The following PHAF1 variants were observed in gnomAD, a reference collection of about 807,000 sequenced individuals.
PHAF1 encodes phagosome assembly factor 1.
In PHAF1, 23 loss-of-function variants were observed where a neutral mutation model predicts 63.1. That is an observed-to-expected ratio of 0.36 (90% CI 0.26 to 0.52). PHAF1 has a LOEUF of 0.52. PHAF1 is among the 20% of genes least tolerant of loss of function. The pLI is 0.93. For synonymous variants in PHAF1, 167 were observed against 185.0 expected (o/e 0.90, Z 0.79); for missense variants, 427 against 517.2 (o/e 0.83, Z 1.69).
At position 67,115,212 on chromosome 16, in the gene PHAF1, T is replaced by C. The variant is rs139324803; in HGVS notation, c.65-4900T>C. 4.2e-4 allele frequency among the ~76,000 whole-genome samples: 64 copies of C among 152,282 alleles called. 1 individual carries two copies. In the East Asian group the frequency reaches 4.2e-3, roughly 10 times the overall value. On this transcript the variant is annotated intron_variant, in intron 1 of 15. Transcript: ENST00000219139. ...CTACAGCTGTGCCAGGCACAGTGATTGGGTGCTGGGAGGTATTGAGGTGAA... is the reference window on the plus strand; with the variant it reads ...CTACAGCTGTGCCAGGCACAGTGATCGGGTGCTGGGAGGTATTGAGGTGAA...
intron 1 of PHAF1, 57 bp downstream of exon 1, chr16:67,110,296 C>A: frequency 1.3e-6 from 2 of 1,526,700 alleles, no homozygotes; most frequent in South Asian, 2.4e-5. Flanking sequence ...TTCTCCTGGG[C>A]TCTTCCCACC....
At chr16:67,113,520 G>A (rs1280489982) in intron 1 of PHAF1, among the ~76,000 whole-genome samples, 1 of 150,160 alleles carries the variant, frequency 6.7e-6, no homozygotes, top group Non-Finnish European at 1.5e-5. Context: ...CGTGATTTTG[G>A]CTCACTGCAA....
chr16:67,126,150 ACTT>A, intron 3 of PHAF1, 108 bp downstream of exon 3: 1 of 830,512 alleles, frequency 1.2e-6, no homozygotes, highest in Non-Finnish European at 2.0e-6. Context: ...GTAGGTGTGG[ACTT>A]CTTTGGTTCA....
chr16:67,112,328 G>A (rs1445923069), intron 1 of PHAF1, among the ~76,000 whole-genome samples: 1 of 140,924 alleles, frequency 7.1e-6, no homozygotes, highest in Non-Finnish European at 1.5e-5. Context: ...AGGATAGCTT[G>A]AAGCCAGGAG....
At chr16:67,133,524 A>C (rs1423836962) in intron 6 of PHAF1, among the ~76,000 whole-genome samples, 1 of 144,094 alleles carries the variant, frequency 6.9e-6, no homozygotes, top group Non-Finnish European at 1.5e-5. Flanking sequence ...AAAAAAAAAC[A>C]GGCCGGGCGC....
chr16:67,147,262 G>T lies in PHAF1; in HGVS notation c.*131G>T, dbSNP rs771280628. The T allele has an allele frequency of 5.7e-6, 5 of 870,220 alleles. No individual in the cohort carries two copies. Among genetic ancestry groups the T allele is most frequent in the Non-Finnish European group, 9.0e-6 (5 of 557,468 alleles). 53.9% of individuals were successfully genotyped at this position (870,220 alleles called of 1,614,324 possible). A position where few individuals can be genotyped will look rare whatever the true frequency, so the allele number is the denominator to read the frequency against. Reference sequence around the variant, plus strand: ...TGAAGGGCTGTTGTGATGTTCTGAGGTTGGGCTCAGGCTGGGTGCTCTGCC... The same window carrying T: ...TGAAGGGCTGTTGTGATGTTCTGAGTTTGGGCTCAGGCTGGGTGCTCTGCC... On this transcript the variant is annotated 3_prime_UTR_variant, in exon 16 of 16. Coordinates refer to ENST00000219139, the MANE Select transcript of PHAF1 (RefSeq NM_025187.5).
chr16:67,117,572 C>T (rs937339932), intron 1 of PHAF1, among the ~76,000 whole-genome samples: 4 of 151,094 alleles, frequency 2.6e-5, no homozygotes, highest in Admixed American at 2.6e-4. Flanking sequence ...GTCAGGAGAT[C>T]GAGACCATCC....
intron 1 of PHAF1, among the ~76,000 whole-genome samples, chr16:67,113,451 C>CTT (rs1011100173): frequency 1.1e-4 from 15 of 139,400 alleles, no homozygotes; most frequent in East Asian, 4.1e-4. Context: ...TTTTCTTTTT[C>CTT]TTTTTTTTTT....
At chr16:67,146,655 G>A (rs1007064743) in intron 15 of PHAF1, among the ~76,000 whole-genome samples, 1 of 152,220 alleles carries the variant, frequency 6.6e-6, no homozygotes, top group Non-Finnish European at 1.5e-5. Context: ...GAACCACAGG[G>A]CAAGTGGGGC....
At position 67,126,070 on chromosome 16, in the gene PHAF1, A is replaced by G. The variant is rs755450016; in HGVS notation, c.231+28A>G. On this transcript the variant is annotated intron_variant, in intron 3 of 15. Transcript: ENST00000219139. Reference sequence around the variant, plus strand: ...AACTATAAATGACAACTAATGTTTCATGTCCAGCTGGGCCAGTCTTTCTGG... The same window carrying G: ...AACTATAAATGACAACTAATGTTTCGTGTCCAGCTGGGCCAGTCTTTCTGG... The G allele has an allele frequency of 3.2e-6, 5 of 1,541,418 alleles. No homozygotes were observed. In the South Asian group the frequency reaches 4.5e-5, roughly 14 times the overall value.
chr16:67,143,277 C>T (rs371836160), intron 10 of PHAF1, among the ~76,000 whole-genome samples: 1 of 152,226 alleles, frequency 6.6e-6, no homozygotes, highest in Non-Finnish European at 1.5e-5. Context: ...TGGCTCACGC[C>T]TGTAATCCCA....
At chr16:67,117,258 C>T (rs1481540161) in intron 1 of PHAF1, among the ~76,000 whole-genome samples, 1 of 142,310 alleles carries the variant, frequency 7.0e-6, no homozygotes, top group Non-Finnish European at 1.5e-5. Flanking sequence ...ACCAAGCCGG[C>T]CAGGCTGGTC....
At chr16:67,146,915 G>A (rs1380990262) in intron 15 of PHAF1, 130 bp from the exon 16 acceptor site, 2 of 808,620 alleles carry the variant, frequency 2.5e-6, no homozygotes, top group African/African-American at 3.3e-5. Context: ...ATGAACCAGG[G>A]GAGGTTGAGG....
Position 67,110,100 on chromosome 16 carries a change from C to A in PHAF1, c.-76C>A, listed in dbSNP as rs909440551. 59 of 1,480,590 alleles carry A rather than the reference C, an allele frequency of 4.0e-5. No homozygotes were observed. The Admixed American group carries it at 1.2e-3, about 30-fold the overall frequency. 91.7% of individuals were successfully genotyped at this position (1,480,590 alleles called of 1,614,324 possible). On this transcript the variant is annotated 5_prime_UTR_variant, in exon 1 of 16. Coordinates refer to ENST00000219139, the MANE Select transcript of PHAF1 (RefSeq NM_025187.5). ...GGGCCGGCGGGGGCGGCCTGTCAGC[C>A]GCTGCTTTGTCTCCTTAGCTCGGGT...
intron 3 of PHAF1, among the ~76,000 whole-genome samples, chr16:67,129,915 C>G (rs1227413930): frequency 6.6e-6 from 1 of 152,220 alleles, no homozygotes; most frequent in African/African-American, 2.4e-5. Context: ...ACCAGATCCT[C>G]TTCATCAGGG....
chr16:67,139,940 G>A (rs755112750), intron 8 of PHAF1, 44 bp from the exon 9 acceptor site: 7 of 1,612,804 alleles, frequency 4.3e-6, no homozygotes, highest in Middle Eastern at 1.7e-4. Context: ...AGGGTCTCTG[G>A]TCCTAACCAT....
chr16:67,113,112 A>G (rs1465913201), intron 1 of PHAF1, among the ~76,000 whole-genome samples: 2 of 152,172 alleles, frequency 1.3e-5, no homozygotes, highest in African/African-American at 4.8e-5. Context: ...AGAGAGAGAG[A>G]TGATAAACAA....
chr16:67,134,798 C>T (rs543511732), intron 8 of PHAF1: 1 of 469,546 alleles, frequency 2.1e-6, no homozygotes. Flanking sequence ...CCTGAGGTCT[C>T]TGCTTCCATA....
rs543986509 is a variant in PHAF1 at position 67,144,869 on chromosome 16, T to C, written c.998T>C (p.Ile333Thr). The C allele has an allele frequency of 1.6e-5, 26 of 1,613,916 alleles. No homozygotes were observed. In the South Asian group the frequency reaches 2.1e-4, roughly 13 times the overall value. Residue 333 changes from isoleucine to threonine, a missense_variant, in exon 12 of 16, where the codon ATA becomes ACA. By Grantham distance (89) the Ile-to-Thr change is moderately conservative. Coordinates refer to ENST00000219139, the MANE Select transcript of PHAF1 (RefSeq NM_025187.5). Reference protein sequence around the residue: ...HRCEFKIPLAIKKENADGQTE... With the variant: ...HRCEFKIPLATKKENADGQTE... ...TGTGAGTTCAAGATCCCACTAGCCA[T>C]AAAGAAAGGTGAGTAGTGAAAGCTC...
Sources: allele counts gnomAD v4.1 joint callset (sites outside exome capture counted in the v4.1 genomes callset), GRCh38; gene constraint gnomAD v4.1.1; transcripts MANE v1.5; gene names NCBI Gene and HGNC (gene_info 2026-07-23, HGNC 2026-07-21).